The following SUGCT variants were observed in gnomAD, a reference collection of about 807,000 sequenced individuals.
SUGCT encodes succinyl-CoA:glutarate CoA-transferase.
A neutral mutation model predicts 55.0 loss-of-function variants in SUGCT; 41 were observed. The ratio of observed to expected loss-of-function variants is 0.74; its 90% confidence interval spans 0.58 to 0.97. SUGCT has a LOEUF of 0.97. Among genes scored for constraint, SUGCT ranks in the 50% least tolerant of loss-of-function variants. The pLI, the probability that SUGCT is intolerant of heterozygous loss-of-function variation, is 0.00. For synonymous variants in SUGCT, 187 were observed against 200.4 expected (o/e 0.93, Z 0.56); for missense variants, 568 against 547.8 (o/e 1.04, Z -0.37).
chr7:40,229,977 C>T (rs1421551974), intron 6 of SUGCT, among the ~76,000 whole-genome samples: 1 of 152,140 alleles, frequency 6.6e-6, no homozygotes, highest in Non-Finnish European at 1.5e-5. Context: ...GCATTTTATT[C>T]TCCTTTGAGG....
chr7:40,311,386 C>T (rs1186706164), intron 8 of SUGCT, among the ~76,000 whole-genome samples: 1 of 152,126 alleles, frequency 6.6e-6, no homozygotes, highest in Non-Finnish European at 1.5e-5. Context: ...TGGGGGATCC[C>T]TATGGGTTTT....
At chr7:40,316,959 T>TTTTTTTG in intron 9 of SUGCT, 104 bp downstream of exon 9, 5 of 512,336 alleles carry the variant, frequency 9.8e-6, no homozygotes, top group Non-Finnish European at 1.7e-5. Context: ...TCAGCTGTTT[T>TTTTTTTG]TTTTTTTTTT....
At chr7:40,452,739 C>T (rs1012037011) in intron 10 of SUGCT, among the ~76,000 whole-genome samples, 3 of 152,078 alleles carry the variant, frequency 2.0e-5, no homozygotes, top group African/African-American at 7.2e-5. Context: ...TAGAATAGGC[C>T]TTGCTCATGT....
At chr7:40,456,928 A>G (rs974267877) in intron 10 of SUGCT, among the ~76,000 whole-genome samples, 1 of 151,980 alleles carries the variant, frequency 6.6e-6, no homozygotes, top group Non-Finnish European at 1.5e-5. Flanking sequence ...TATCTTAAGG[A>G]TTTTGGTTTT....
chr7:40,299,667 A>G (rs887073442), intron 8 of SUGCT, among the ~76,000 whole-genome samples: 2 of 152,184 alleles, frequency 1.3e-5, no homozygotes, highest in African/African-American at 4.8e-5. Flanking sequence ...AAATTAATGA[A>G]CTAAATCATG....
rs546657105 is a variant in SUGCT, at chr7:40,436,760, A to T, written c.817-12527A>T. ...ACCTTGGGTTGTTCCTGAAAAATCA[A>T]TATGGTCCCTTGTCTAGCATTTTTT... On this transcript the variant is annotated intron_variant, in intron 9 of 13. Coordinates refer to ENST00000335693, the MANE Select transcript of SUGCT (RefSeq NM_001193313.2). 2.0e-5 allele frequency among the ~76,000 whole-genome samples: 3 copies of T among 152,342 alleles called. No individual in the cohort carries two copies. The South Asian group carries it at 6.2e-4, about 32-fold the overall frequency.
intron 13 of SUGCT, among the ~76,000 whole-genome samples, chr7:40,859,518 T>C (rs1794377632): frequency 6.6e-6 from 1 of 152,196 alleles, no homozygotes; most frequent in Non-Finnish European, 1.5e-5. Context: ...GGCACCCCTT[T>C]TCCCCTTACA....
chr7:40,272,885 C>A (rs1024005436), intron 7 of SUGCT, among the ~76,000 whole-genome samples: 1 of 130,444 alleles, frequency 7.7e-6, no homozygotes, highest in Non-Finnish European at 1.7e-5. Flanking sequence ...GTCTTGAACT[C>A]CTGACTTCAG....
At chr7:40,400,288 T>C (rs991597806) in intron 9 of SUGCT, among the ~76,000 whole-genome samples, 1 of 152,200 alleles carries the variant, frequency 6.6e-6, no homozygotes, top group Non-Finnish European at 1.5e-5. Flanking sequence ...CTAGATATTA[T>C]ATAAAGAAAA....
chr7:40,385,369 A>G (rs1201030770), intron 9 of SUGCT, among the ~76,000 whole-genome samples: 1 of 152,204 alleles, frequency 6.6e-6, no homozygotes, highest in Non-Finnish European at 1.5e-5. Context: ...CGGCTGTAAA[A>G]TGGGGAAAAT....
chr7:40,602,967 G>A (rs1044276527), intron 12 of SUGCT, among the ~76,000 whole-genome samples: 2 of 152,152 alleles, frequency 1.3e-5, no homozygotes, highest in Admixed American at 6.5e-5. Context: ...AGTAGTGATG[G>A]GATGTTGGAA....
At chr7:40,621,146 G>T (rs1285932059) in intron 12 of SUGCT, among the ~76,000 whole-genome samples, 1 of 151,952 alleles carries the variant, frequency 6.6e-6, no homozygotes, top group Admixed American at 6.5e-5. Flanking sequence ...ACAAATATTT[G>T]TATATACATA....
chr7:40,612,154 T>A (rs2151773045), intron 12 of SUGCT, among the ~76,000 whole-genome samples: 1 of 152,314 alleles, frequency 6.6e-6, no homozygotes, highest in South Asian at 2.1e-4. Flanking sequence ...TTTTTCAAAG[T>A]ACTTTATATC....
At chr7:41,038,792 A>G in the SUGCT span, among the ~76,000 whole-genome samples, 1 of 152,090 alleles carries the variant, frequency 6.6e-6, no homozygotes, top group Non-Finnish European at 1.5e-5. Context: ...CAGTTTCATC[A>G]TCAGCAAGCT....
intron 6 of SUGCT, among the ~76,000 whole-genome samples, chr7:40,216,729 G>A (rs1004891678): frequency 1.3e-5 from 2 of 151,846 alleles, no homozygotes; most frequent in Non-Finnish European, 2.9e-5. Context: ...GTGCATGCCT[G>A]TAATCCCAGC....
intron 6 of SUGCT, among the ~76,000 whole-genome samples, chr7:40,207,648 C>T (rs1267470720): frequency 6.6e-6 from 1 of 152,088 alleles, no homozygotes; most frequent in East Asian, 1.9e-4. Flanking sequence ...GAAATCCTGT[C>T]TCTACCAAAA....
At chr7:40,428,088 T>A in intron 9 of SUGCT, among the ~76,000 whole-genome samples, 1 of 152,204 alleles carries the variant, frequency 6.6e-6, no homozygotes, top group Admixed American at 6.5e-5. Flanking sequence ...ATAATTGCTG[T>A]ATCTTCCTGA....
At chr7:40,546,184 G>A (rs1272667071) in intron 12 of SUGCT, among the ~76,000 whole-genome samples, 1 of 152,104 alleles carries the variant, frequency 6.6e-6, no homozygotes, top group Non-Finnish European at 1.5e-5. Context: ...GAATTCACAC[G>A]TATCACACTG....
At chr7:40,896,505 G>A in the SUGCT span, among the ~76,000 whole-genome samples, 1 of 152,086 alleles carries the variant, frequency 6.6e-6, no homozygotes, top group East Asian at 1.9e-4. Flanking sequence ...TGATTCATGG[G>A]GGCGGTTACC....
Sources: allele counts gnomAD v4.1 joint callset (sites outside exome capture counted in the v4.1 genomes callset), GRCh38; gene constraint gnomAD v4.1.1; transcripts MANE v1.5; gene names NCBI Gene and HGNC (gene_info 2026-07-23, HGNC 2026-07-21).